MYO1D: variants seen among roughly 807,000 people sequenced by gnomAD.
The protein encoded by MYO1D is myosin ID, also known as unconventional myosin-Id.
MYO1D carries 83 observed loss-of-function variants against 122.0 expected under a neutral mutation model. The observed-to-expected ratio is 0.68, with a 90% CI of 0.57 to 0.82. The LOEUF (loss-of-function observed/expected upper bound fraction) is 0.82, where lower values mean the gene tolerates loss of function less well. MYO1D is among the 40% of genes least tolerant of loss of function. The pLI is 0.00. For synonymous variants in MYO1D, 464 were observed against 446.9 expected (o/e 1.04, Z -0.48); for missense variants, 1,157 against 1,269.5 (o/e 0.91, Z 1.35).
chr17:32,793,716 G>A (rs2090382673), intron 1 of MYO1D, among the ~76,000 whole-genome samples: 1 of 152,184 alleles, frequency 6.6e-6, no homozygotes, highest in Admixed American at 6.5e-5. Flanking sequence ...CAGGCCCATC[G>A]ATAGCAGAGG....
intron 16 of MYO1D, among the ~76,000 whole-genome samples, chr17:32,702,161 G>C (rs1347226741): frequency 6.6e-6 from 1 of 152,078 alleles, no homozygotes; most frequent in Non-Finnish European, 1.5e-5. Flanking sequence ...CCATGAACCA[G>C]CACAAAAATG....
At chr17:32,871,277 G>C (rs993531917) in intron 1 of MYO1D, among the ~76,000 whole-genome samples, 1 of 152,152 alleles carries the variant, frequency 6.6e-6, no homozygotes, top group African/African-American at 2.4e-5. Flanking sequence ...AAGAGGAGTG[G>C]AGTTGTTGAC....
At chr17:32,686,333 C>G (rs1433296399) in intron 16 of MYO1D, 1 of 152,164 alleles carries the variant, frequency 6.6e-6, no homozygotes, top group Non-Finnish European at 1.5e-5. Context: ...CTGGCAGCTA[C>G]CAGAAGCTGG....
intron 1 of MYO1D, among the ~76,000 whole-genome samples, chr17:32,864,462 C>T (rs2091106719): frequency 6.9e-6 from 1 of 144,746 alleles, no homozygotes; most frequent in Non-Finnish European, 1.5e-5. Context: ...CAAGCAACAT[C>T]ATGAGACTGC....
intron 14 of MYO1D, among the ~76,000 whole-genome samples, chr17:32,727,842 G>A (rs1371820069): frequency 6.6e-6 from 1 of 152,148 alleles, no homozygotes; most frequent in African/African-American, 2.4e-5. Context: ...AAGATTGAAA[G>A]TAAAAGGATG....
intron 19 of MYO1D, among the ~76,000 whole-genome samples, chr17:32,652,300 C>A (rs116306953): frequency 3.2e-3 from 492 of 152,138 alleles, no homozygotes; most frequent in African/African-American, 0.011. Context: ...TTAAAGACTG[C>A]CAAATTTATA....
intron 11 of MYO1D, among the ~76,000 whole-genome samples, chr17:32,754,145 G>A (rs143510262): frequency 1.7e-4 from 26 of 152,254 alleles, no homozygotes; most frequent in Non-Finnish European, 2.8e-4. Flanking sequence ...TGCTAAGTGA[G>A]TCTCCAAACC....
intron 16 of MYO1D, among the ~76,000 whole-genome samples, chr17:32,698,212 C>T (rs925184906): frequency 1.7e-4 from 26 of 152,154 alleles, no homozygotes; most frequent in African/African-American, 6.0e-4. Context: ...ATACTAGCTA[C>T]CATATCAGTA....
At chr17:32,533,284 G>A (rs893477053) in intron 21 of MYO1D, among the ~76,000 whole-genome samples, 3 of 152,036 alleles carry the variant, frequency 2.0e-5, no homozygotes, top group African/African-American at 7.3e-5. Flanking sequence ...AGACAGCTGG[G>A]TTCATGGCCA....
chr17:32,565,913 C>T (rs1219325147), intron 21 of MYO1D, among the ~76,000 whole-genome samples: 1 of 152,038 alleles, frequency 6.6e-6, no homozygotes, highest in East Asian at 1.9e-4. Flanking sequence ...TTCATAGAAA[C>T]AGGGTTTCGC....
At chr17:32,809,866 G>A (rs1313273288) in intron 1 of MYO1D, among the ~76,000 whole-genome samples, 2 of 152,188 alleles carry the variant, frequency 1.3e-5, no homozygotes, top group Non-Finnish European at 2.9e-5. Context: ...TAATTGTCAG[G>A]TGAGCTAATA....
intron 1 of MYO1D, among the ~76,000 whole-genome samples, chr17:32,838,884 A>C (rs2090852058): frequency 6.6e-6 from 1 of 152,186 alleles, no homozygotes; most frequent in Non-Finnish European, 1.5e-5. Flanking sequence ...TAAACTTTGA[A>C]ATTGTTTAGT....
intron 19 of MYO1D, among the ~76,000 whole-genome samples, chr17:32,639,606 G>T (rs1188622315): frequency 1.3e-5 from 2 of 152,032 alleles, no homozygotes; most frequent in East Asian, 3.9e-4. Context: ...CTCAAGCAGT[G>T]ACTCAGTGCA....
intron 21 of MYO1D, among the ~76,000 whole-genome samples, chr17:32,544,021 G>A (rs1306121793): frequency 5.3e-5 from 8 of 151,432 alleles, no homozygotes; most frequent in Admixed American, 3.3e-4. Flanking sequence ...TTGACCTCCC[G>A]ACCTCAAGTG....
At chr17:32,612,255 T>C (rs2087710639) in intron 20 of MYO1D, among the ~76,000 whole-genome samples, 1 of 152,018 alleles carries the variant, frequency 6.6e-6, no homozygotes, top group African/African-American at 2.4e-5. Context: ...GAGAACAACA[T>C]ACATAATAAA....
At chr17:32,598,472 G>A (rs2087524592) in intron 21 of MYO1D, among the ~76,000 whole-genome samples, 2 of 152,186 alleles carry the variant, frequency 1.3e-5, no homozygotes, top group African/African-American at 2.4e-5. Context: ...TTTGATTTGT[G>A]GAATACAGCC....
At chr17:32,868,277 TA>T (rs1189054974) in intron 1 of MYO1D, among the ~76,000 whole-genome samples, 1 of 152,178 alleles carries the variant, frequency 6.6e-6, no homozygotes, top group Non-Finnish European at 1.5e-5. Context: ...ACACATATTT[TA>T]AATGTGCTAT....
chr17:32,799,006 T>C (rs2090439702), intron 1 of MYO1D, among the ~76,000 whole-genome samples: 1 of 152,186 alleles, frequency 6.6e-6, no homozygotes, highest in Non-Finnish European at 1.5e-5. Context: ...TGGGTCCACA[T>C]TCAGAAACAC....
intron 7 of MYO1D, among the ~76,000 whole-genome samples, chr17:32,766,436 CA>C: frequency 6.6e-6 from 1 of 152,108 alleles, no homozygotes; most frequent in Non-Finnish European, 1.5e-5. Context: ...CCCTATACGA[CA>C]CTTCTTTAAT....
Sources: allele counts gnomAD v4.1 joint callset (sites outside exome capture counted in the v4.1 genomes callset), GRCh38; gene constraint gnomAD v4.1.1; transcripts MANE v1.5; gene names NCBI Gene and HGNC (gene_info 2026-07-23, HGNC 2026-07-21).